The following AP2A2 variants were observed in gnomAD, a reference collection of about 807,000 sequenced individuals.
AP2A2 encodes the protein AP-2 complex subunit alpha-2.
A neutral mutation model predicts 104.2 loss-of-function variants in AP2A2; 32 were observed. The ratio of observed to expected loss-of-function variants is 0.31; its 90% CI spans 0.23 to 0.41. AP2A2 has a LOEUF of 0.41. Ranked by LOEUF, AP2A2 falls within the 10% of genes least tolerant of loss-of-function variation. The pLI is 1.00. For synonymous variants in AP2A2, 539 were observed against 533.3 expected (o/e 1.01, Z -0.15); for missense variants, 912 against 1,261.0 (o/e 0.72, Z 4.19).
chr11:935,868 T>TA (rs1028038545), intron 1 of AP2A2, among the ~76,000 whole-genome samples: 4 of 150,750 alleles, frequency 2.7e-5, no homozygotes, highest in African/African-American at 4.9e-5. Context: ...TGCTGGGAAT[T>TA]ACAGGCGTGA....
chr11:968,367 G>C lies in AP2A2; in HGVS notation c.137-1802G>C, dbSNP rs943293166. 7.2e-5 allele frequency among the ~76,000 whole-genome samples: 11 copies of C among 152,036 alleles called. No individual in the cohort carries two copies. Among genetic ancestry groups the C allele is most frequent in the Non-Finnish European group, 1.5e-4 (10 of 68,002 alleles). ...GCTCTAGAGCAGCTCTTCGTCTGGG[G>C]TCCCGCGGGAGCAGAGGCTGGTCGG... On this transcript the variant is annotated intron_variant, in intron 2 of 21. Transcript: ENST00000448903. The surrounding 1 kb of genome is among the most constrained non-coding windows in gnomAD (Gnocchi z 4.2).
intron 2 of AP2A2, among the ~76,000 whole-genome samples, chr11:965,284 A>C (rs1445707212): frequency 3.9e-5 from 6 of 152,234 alleles, no homozygotes; most frequent in African/African-American, 1.4e-4. Context: ...GTGGAGGTGG[A>C]AAGAATGGAA....
At chr11:962,247 G>A (rs1854467145) in intron 2 of AP2A2, among the ~76,000 whole-genome samples, 1 of 152,270 alleles carries the variant, frequency 6.6e-6, no homozygotes, top group African/African-American at 2.4e-5. Flanking sequence ...GTGAGGAAAT[G>A]AGGAAATGCA....
intron 2 of AP2A2, among the ~76,000 whole-genome samples, chr11:962,426 T>C (rs142667928): frequency 6.4e-4 from 97 of 152,334 alleles, no homozygotes; most frequent in Middle Eastern, 3.4e-3. Context: ...AAGACTTTGC[T>C]AGGCTGTTAA....
chr11:928,736 G>T (rs1018085809), intron 1 of AP2A2, among the ~76,000 whole-genome samples: 1 of 152,238 alleles, frequency 6.6e-6, no homozygotes, highest in Non-Finnish European at 1.5e-5. Context: ...CGTAGAAGAA[G>T]GGGTGCTTAG....
chr11:983,484 G>A (rs376448168), intron 6 of AP2A2, among the ~76,000 whole-genome samples: 17 of 152,052 alleles, frequency 1.1e-4, no homozygotes, highest in Admixed American at 3.9e-4. Context: ...CTGGGTTCAC[G>A]CCATTCTCCT....
intron 1 of AP2A2, among the ~76,000 whole-genome samples, chr11:951,742 G>C (rs1004690521): frequency 6.6e-6 from 1 of 152,220 alleles, no homozygotes; most frequent in African/African-American, 2.4e-5. Context: ...TTCCAGTCCA[G>C]GCCTGATTTC....
intron 20 of AP2A2, 85 bp downstream of exon 20, chr11:1,009,482 G>A (rs1856329588): frequency 2.0e-5 from 29 of 1,440,972 alleles, no homozygotes; most frequent in South Asian, 4.7e-5. Context: ...CGGGGAACAC[G>A]CAGCCCATGA....
intron 17 of AP2A2, 175 bp from the exon 18 acceptor site, chr11:1,007,837 G>C (rs1856260926): frequency 1.2e-6 from 1 of 819,862 alleles, no homozygotes; most frequent in Non-Finnish European, 1.9e-6. Context: ...AGTGTTTTGA[G>C]GATTGTCTGG....
intron 1 of AP2A2, among the ~76,000 whole-genome samples, chr11:958,267 C>T (rs1205730931): frequency 6.6e-6 from 1 of 152,216 alleles, no homozygotes; most frequent in East Asian, 1.9e-4. Flanking sequence ...TCACCAGAAA[C>T]CACCCTGCTG....
At chr11:981,672 G>GT (rs1855247081) in intron 6 of AP2A2, among the ~76,000 whole-genome samples, 2 of 152,256 alleles carry the variant, frequency 1.3e-5, no homozygotes, top group African/African-American at 2.4e-5. Context: ...ACATTCTTTT[G>GT]TTTTGCTCAA....
chr11:969,505 C>T (rs1314071559), intron 2 of AP2A2, among the ~76,000 whole-genome samples: 1 of 152,014 alleles, frequency 6.6e-6, no homozygotes, highest in African/African-American at 2.4e-5. Context: ...GGATTACAGG[C>T]GTGAGCCACC....
At position 992,840 on chromosome 11, in the gene AP2A2, T is replaced by C. The variant is rs1313736567; in HGVS notation, c.1452+155T>C. The stretch of plus-strand genomic sequence containing the variant: ...CCCTGAGGCTCTAGCTCCTCCACTG[T>C]TGGTGCCCCTTGCTGAGTCCCAGTT... On this transcript the variant is annotated intron_variant, in intron 11 of 21. Transcript: ENST00000448903. This position sits in a 1 kb window ranked among gnomAD's most constrained non-coding sequence, Gnocchi z 6.4. Among the ~76,000 whole-genome samples the C allele has an allele frequency of 6.6e-6, 1 of 152,146 alleles. No homozygotes were observed. The highest frequency in any genetic ancestry group is 1.5e-5 in the Non-Finnish European group (1 of 68,016).
chr11:969,307 C>T (rs928744036), intron 2 of AP2A2, among the ~76,000 whole-genome samples: 5 of 148,346 alleles, frequency 3.4e-5, no homozygotes, highest in Admixed American at 6.8e-5. Context: ...CTTGGCTCAC[C>T]GCAACCTCCG....
chr11:989,097 G>A (rs755153090), intron 10 of AP2A2, among the ~76,000 whole-genome samples: 1 of 152,176 alleles, frequency 6.6e-6, no homozygotes, highest in Non-Finnish European at 1.5e-5. Context: ...CAAGGCGGGC[G>A]GATCACCTGA....
At chr11:981,580 G>A (rs1284027716) in intron 6 of AP2A2, among the ~76,000 whole-genome samples, 2 of 152,258 alleles carry the variant, frequency 1.3e-5, no homozygotes, top group African/African-American at 4.8e-5. Flanking sequence ...CTGGTGCTTC[G>A]TGGACCCACC....
intron 1 of AP2A2, among the ~76,000 whole-genome samples, chr11:953,168 T>C (rs1854107584): frequency 6.6e-6 from 1 of 152,224 alleles, no homozygotes; most frequent in Non-Finnish European, 1.5e-5. Context: ...TTGTCTTTCT[T>C]GTTTTTGAGA....
Position 926,508 on chromosome 11 carries a change from G to A in AP2A2, c.67+420G>A, listed in dbSNP as rs764743191. ...GCTGCGGCACCACCAAGGGGGTTCC[G>A]GGCCAAGACGCCCCTCCCCAGCATG... On this transcript the variant is annotated intron_variant, in intron 1 of 21. Transcript: ENST00000448903. 4.6e-5 allele frequency among the ~76,000 whole-genome samples: 7 copies of A among 152,244 alleles called. No individual in the cohort carries two copies. In the East Asian group the frequency reaches 1.2e-3, roughly 25 times the overall value.
chr11:997,263 G>A (rs1855886814), intron 14 of AP2A2, among the ~76,000 whole-genome samples: 1 of 152,248 alleles, frequency 6.6e-6, no homozygotes, highest in African/African-American at 2.4e-5. Context: ...GGGAGGCTGT[G>A]GTGTGCGTGT....
Sources: allele counts gnomAD v4.1 joint callset (sites outside exome capture counted in the v4.1 genomes callset), GRCh38; gene constraint gnomAD v4.1.1; non-coding constraint Gnocchi (gnomAD v3.1); transcripts MANE v1.5; gene names NCBI Gene and HGNC (gene_info 2026-07-23, HGNC 2026-07-21).